Variants in CCDC60 observed in about 807,000 individuals in gnomAD.
The protein encoded by CCDC60 is coiled-coil domain-containing protein 60.
CCDC60 carries 54 observed loss-of-function variants against 63.5 expected under a neutral mutation model. The observed-to-expected ratio is 0.85, with a 90% CI of 0.68 to 1.07. The LOEUF (loss-of-function observed/expected upper bound fraction) is 1.07. Among genes scored for constraint, CCDC60 ranks in the 50% least tolerant of loss-of-function variants. CCDC60 has a pLI of 0.00. For missense variants in CCDC60, 651 were observed against 684.3 expected, an observed-to-expected ratio of 0.95 and a Z score of 0.54; for synonymous variants, 206 against 238.8, an observed-to-expected ratio of 0.86 and a Z score of 1.27.
intron 1 of CCDC60, among the ~76,000 whole-genome samples, chr12:119,382,145 C>G (rs1956013837): frequency 6.6e-6 from 1 of 152,194 alleles, no homozygotes; most frequent in Non-Finnish European, 1.5e-5. Context: ...TTTTCATGTG[C>G]TTTAGCCACG....
At position 119,470,536 on chromosome 12, in the gene CCDC60, C is replaced by T. The variant is rs138243895; in HGVS notation, c.171-1458C>T. On this transcript the variant is annotated intron_variant, in intron 2 of 13. Transcript: ENST00000327554. ...ATTCCCAATGGACATTTGTAAGAGT[C>T]CCCCGATGAAATGAAATGACCTTCA... Among the ~76,000 whole-genome samples the T allele has an allele frequency of 7.5e-4, 114 of 152,294 alleles. 2 individuals carry two copies. Among genetic ancestry groups the T allele is most frequent in the African/African-American group, 2.6e-3 (108 of 41,562 alleles).
intron 2 of CCDC60, among the ~76,000 whole-genome samples, chr12:119,469,213 C>G (rs796853088): frequency 3.9e-5 from 6 of 152,200 alleles, no homozygotes; most frequent in African/African-American, 1.4e-4. Flanking sequence ...GCTGCAGACC[C>G]AAGTCTGAAA....
At chr12:119,522,885 C>G in intron 9 of CCDC60, 54 bp from the exon 10 acceptor site, 1 of 1,567,954 alleles carries the variant, frequency 6.4e-7, no homozygotes, top group Non-Finnish European at 8.8e-7. Flanking sequence ...TGGGGGCACC[C>G]TTTTCTTGAA....
intron 1 of CCDC60, among the ~76,000 whole-genome samples, chr12:119,425,188 A>G (rs976767753): frequency 4.6e-5 from 7 of 152,190 alleles, no homozygotes; most frequent in African/African-American, 1.7e-4. Context: ...TTTTTCCTTC[A>G]TTTATAAATA....
intron 1 of CCDC60, among the ~76,000 whole-genome samples, chr12:119,403,450 G>C (rs1270662433): frequency 1.3e-5 from 2 of 152,042 alleles, no homozygotes; most frequent in South Asian, 2.1e-4. Context: ...GCATAACGTC[G>C]AGCTTTAATC....
At chr12:119,502,904 T>C (rs1169341132) in intron 6 of CCDC60, among the ~76,000 whole-genome samples, 1 of 152,186 alleles carries the variant, frequency 6.6e-6, no homozygotes, top group Non-Finnish European at 1.5e-5. Context: ...CACAGTGGTT[T>C]ACACCTATGA....
chr12:119,505,336 C>T, intron 7 of CCDC60, 33 bp downstream of exon 7: 1 of 1,472,726 alleles, frequency 6.8e-7, no homozygotes, highest in Non-Finnish European at 9.4e-7. Flanking sequence ...CTCATCTACC[C>T]TGACCCTTTG....
intron 1 of CCDC60, among the ~76,000 whole-genome samples, chr12:119,421,325 T>C (rs1956809144): frequency 6.6e-6 from 1 of 152,192 alleles, no homozygotes; most frequent in Admixed American, 6.5e-5. Context: ...GGAAGAGTTT[T>C]GGAGGTAGTA....
At chr12:119,387,322 A>C (rs1956078821) in intron 1 of CCDC60, among the ~76,000 whole-genome samples, 1 of 151,948 alleles carries the variant, frequency 6.6e-6, no homozygotes, top group African/African-American at 2.4e-5. Flanking sequence ...AACAAAAAAA[A>C]CCTCTGTCTT....
chr12:119,511,450 G>A (rs977214901), intron 7 of CCDC60, among the ~76,000 whole-genome samples: 1 of 152,144 alleles, frequency 6.6e-6, no homozygotes, highest in African/African-American at 2.4e-5. Context: ...TCCTCCTGCT[G>A]GTCTTGAAGC....
intron 11 of CCDC60, among the ~76,000 whole-genome samples, chr12:119,526,967 A>G (rs1258322324): frequency 6.6e-6 from 1 of 152,256 alleles, no homozygotes; most frequent in Non-Finnish European, 1.5e-5. Flanking sequence ...ATGCATGTGA[A>G]TGTCCACTGC....
At chr12:119,387,034 T>TCTCACACACACACACACACACA (rs543330015) in intron 1 of CCDC60, among the ~76,000 whole-genome samples, 2 of 105,452 alleles carry the variant, frequency 1.9e-5, no homozygotes, top group East Asian at 7.8e-4. Context: ...TCTGTCTCTC[T>TCTCACACACACACACACACACA]CACACACACA....
intron 1 of CCDC60, among the ~76,000 whole-genome samples, chr12:119,382,877 A>G (rs1361059360): frequency 6.6e-6 from 1 of 152,224 alleles, no homozygotes; most frequent in East Asian, 1.9e-4. Flanking sequence ...CAATGTGAAT[A>G]CAAAGCTTTA....
chr12:119,347,274 A>T lies in CCDC60; in HGVS notation c.90+12008A>T, dbSNP rs531899043. On this transcript the variant is annotated intron_variant, in intron 1 of 13. Coordinates refer to ENST00000327554, the MANE Select transcript of CCDC60 (RefSeq NM_178499.5). ...AATGGAGAGGAAGACAGGCCCAACT[A>T]ATGAGAGATGAGGCTCTGGGGTGTG... 3.3e-5 allele frequency among the ~76,000 whole-genome samples: 5 copies of T among 152,280 alleles called. No homozygotes were observed. The South Asian group carries it at 1.0e-3, about 32-fold the overall frequency.
intron 1 of CCDC60, among the ~76,000 whole-genome samples, chr12:119,367,968 G>A (rs1299508285): frequency 3.3e-5 from 5 of 151,556 alleles, no homozygotes; most frequent in African/African-American, 9.7e-5. Context: ...ACATATCTGT[G>A]AGTCTCTTAA....
chr12:119,354,478 C>T (rs143167641), intron 1 of CCDC60, among the ~76,000 whole-genome samples: 1 of 152,310 alleles, frequency 6.6e-6, no homozygotes, highest in African/African-American at 2.4e-5. Context: ...GTGTCTCCAG[C>T]TGTAAATGAC....
chr12:119,423,723 C>T (rs1175794207), intron 1 of CCDC60, among the ~76,000 whole-genome samples: 1 of 152,212 alleles, frequency 6.6e-6, no homozygotes, highest in Admixed American at 6.5e-5. Context: ...TCTAGCTTGC[C>T]TCATCATTCC....
intron 13 of CCDC60, among the ~76,000 whole-genome samples, chr12:119,531,689 G>T (rs1425600121): frequency 6.6e-6 from 1 of 152,184 alleles, no homozygotes; most frequent in Non-Finnish European, 1.5e-5. Context: ...CAGTGAGTAT[G>T]GAAGGAAGCA....
intron 13 of CCDC60, among the ~76,000 whole-genome samples, chr12:119,538,027 G>C (rs747186348): frequency 6.6e-6 from 1 of 152,236 alleles, no homozygotes; most frequent in African/African-American, 2.4e-5. Flanking sequence ...CCCAGAGGTG[G>C]AATCTACAGA....
Sources: gnomAD v4.1 joint callset for allele counts (sites outside exome capture counted in the v4.1 genomes callset) on GRCh38, gnomAD v4.1.1 for gene constraint, MANE v1.5 for transcripts, NCBI Gene and HGNC (gene_info 2026-07-23, HGNC 2026-07-21) for gene names.